Variants in LMX1A observed in about 807,000 individuals in gnomAD.
The protein encoded by LMX1A is LIM homeobox transcription factor 1 alpha, also known as LIM homeobox transcription factor 1-alpha.
In LMX1A, 15 loss-of-function variants were observed where a neutral mutation model predicts 49.1. That is an observed-to-expected ratio of 0.31 (90% CI 0.20 to 0.47). The LOEUF is 0.47. LMX1A is among the 20% of genes least tolerant of loss of function. The probability of loss-of-function intolerance (pLI) is 1.00; values close to 1 mark genes in which losing one functional copy is unlikely to be tolerated. For missense variants in LMX1A, 372 were observed against 475.8 expected (o/e 0.78, Z 2.03); for synonymous variants, 167 against 185.7 (o/e 0.90, Z 0.82).
At chr1:165,253,547 T>C (rs1653129690) in intron 3 of LMX1A, among the ~76,000 whole-genome samples, 2 of 152,182 alleles carry the variant, frequency 1.3e-5, no homozygotes, top group African/African-American at 2.4e-5. Context: ...TTGGAAAAGA[T>C]GATGAAGCCA....
intron 3 of LMX1A, among the ~76,000 whole-genome samples, chr1:165,310,464 A>C (rs1655045092): frequency 6.6e-6 from 1 of 152,236 alleles, no homozygotes; most frequent in Admixed American, 6.5e-5. Flanking sequence ...ATCAAAAGCC[A>C]CAGGGCACTG....
At chr1:165,269,861 G>A (rs1025373268) in intron 3 of LMX1A, among the ~76,000 whole-genome samples, 4 of 152,140 alleles carry the variant, frequency 2.6e-5, no homozygotes, top group Non-Finnish European at 5.9e-5. Flanking sequence ...CATGGACACA[G>A]GGAGGGGAAC....
At chr1:165,309,451 G>C (rs946522241) in intron 3 of LMX1A, among the ~76,000 whole-genome samples, 1 of 152,164 alleles carries the variant, frequency 6.6e-6, no homozygotes, top group Non-Finnish European at 1.5e-5. Flanking sequence ...GAGACGCAAG[G>C]GCACCCTGTG....
chr1:165,244,521 C>T (rs776035539), intron 4 of LMX1A, among the ~76,000 whole-genome samples: 1 of 152,098 alleles, frequency 6.6e-6, no homozygotes, highest in Non-Finnish European at 1.5e-5. Flanking sequence ...TTAAGGGATA[C>T]CCAGCTGGTG....
rs1475828256 is a variant in LMX1A, at chr1:165,202,710, C to T, written c.*1170G>A. Reference sequence around the variant, plus strand: ...TCCTCTATCCCCTCAGCCTTCACCTCCTCCCCACTCTGGGACTCTGGGATC... The same window carrying T: ...TCCTCTATCCCCTCAGCCTTCACCTTCTCCCCACTCTGGGACTCTGGGATC... On this transcript the variant is annotated 3_prime_UTR_variant, in exon 9 of 9. Transcript: ENST00000342310. 1 of 152,490 alleles carries T rather than the reference C, an allele frequency of 6.6e-6. No homozygotes were observed. Among genetic ancestry groups the T allele is most frequent in the Non-Finnish European group, 1.5e-5 (1 of 68,220 alleles). The allele number at this position is 152,490 out of a possible 1,614,324, so 9.4% of individuals were successfully genotyped here.
intron 3 of LMX1A, among the ~76,000 whole-genome samples, chr1:165,297,002 G>T (rs1260949673): frequency 1.3e-5 from 2 of 152,190 alleles, no homozygotes; most frequent in Non-Finnish European, 2.9e-5. Flanking sequence ...AGGTGTCCTG[G>T]TCTGAGTGCA....
intron 4 of LMX1A, among the ~76,000 whole-genome samples, chr1:165,224,247 GC>G (rs1177046784): frequency 6.6e-6 from 1 of 152,184 alleles, no homozygotes; most frequent in Non-Finnish European, 1.5e-5. Flanking sequence ...CTCCCCAGAA[GC>G]CAAGCAGATG....
chr1:165,204,181 T>C (rs879845567), intron 8 of LMX1A, 141 bp from the exon 9 acceptor site: 3 of 842,964 alleles, frequency 3.6e-6, no homozygotes, highest in Non-Finnish European at 3.6e-6. Flanking sequence ...ATATTCTCTT[T>C]AGGGGGCTCA....
At position 165,208,048 on chromosome 1, in the gene LMX1A, G is replaced by A; in HGVS notation, c.817+15C>T. 1.2e-6 allele frequency: 2 copies of A among 1,612,490 alleles called. No homozygotes were observed. The highest frequency in any genetic ancestry group is 1.7e-6 in the Non-Finnish European group (2 of 1,179,158). On this transcript the variant is annotated intron_variant, in intron 7 of 8. Coordinates refer to ENST00000342310, the MANE Select transcript of LMX1A (RefSeq NM_177398.4). Reference sequence around the variant, plus strand: ...GATTCCAGCCAGAACTGCCTGGGAGGAGGCACCAGCTTACCAGAGCTCAGC... The same window carrying A: ...GATTCCAGCCAGAACTGCCTGGGAGAAGGCACCAGCTTACCAGAGCTCAGC...
At chr1:165,307,751 C>T (rs1189758652) in intron 3 of LMX1A, among the ~76,000 whole-genome samples, 1 of 152,182 alleles carries the variant, frequency 6.6e-6, no homozygotes, top group Non-Finnish European at 1.5e-5. Flanking sequence ...TCCATAGGAG[C>T]CTGGACCACA....
chr1:165,289,959 C>T (rs992511644), intron 3 of LMX1A, among the ~76,000 whole-genome samples: 4 of 152,196 alleles, frequency 2.6e-5, no homozygotes, highest in Admixed American at 2.6e-4. Flanking sequence ...AGCACAGGCC[C>T]ATCCTTAGGG....
intron 3 of LMX1A, among the ~76,000 whole-genome samples, chr1:165,319,521 T>C (rs1655320889): frequency 6.6e-6 from 1 of 152,026 alleles, no homozygotes. Context: ...ATATAATAAA[T>C]ATGTATTATC....
At chr1:165,345,082 G>C (rs1216581265) in intron 3 of LMX1A, among the ~76,000 whole-genome samples, 1 of 152,218 alleles carries the variant, frequency 6.6e-6, no homozygotes, top group African/African-American at 2.4e-5. Flanking sequence ...TGAAAATATG[G>C]TTTGGGGGGA....
At position 165,203,631 on chromosome 1, in the gene LMX1A, T is replaced by A; in HGVS notation, c.*249A>T. 1 of 352,370 alleles carries A rather than the reference T, an allele frequency of 2.8e-6. No individual in the cohort carries two copies. Among genetic ancestry groups the A allele is most frequent in the East Asian group, 4.4e-5 (1 of 22,632 alleles). The allele number at this position is 352,370 out of a possible 1,614,324, so 21.8% of individuals were successfully genotyped here. On this transcript the variant is annotated 3_prime_UTR_variant, in exon 9 of 9. Transcript: ENST00000342310. ...AGAATGTCTATATTAAAAGTCTCTG[T>A]CCTTAATGATAAACACGTCTTCATA...
chr1:165,316,493 A>G (rs1655232561), intron 3 of LMX1A, among the ~76,000 whole-genome samples: 1 of 152,082 alleles, frequency 6.6e-6, no homozygotes, highest in African/African-American at 2.4e-5. Flanking sequence ...CATGATGGGC[A>G]CCCTTGGCAG....
chr1:165,223,063 A>G (rs1325458960), intron 4 of LMX1A, among the ~76,000 whole-genome samples: 3 of 151,974 alleles, frequency 2.0e-5, no homozygotes, highest in African/African-American at 7.3e-5. Context: ...TCTAAAATTG[A>G]CTGTGATGGT....
intron 3 of LMX1A, among the ~76,000 whole-genome samples, chr1:165,331,570 CA>C (rs2101752766): frequency 6.6e-6 from 1 of 152,190 alleles, no homozygotes; most frequent in East Asian, 1.9e-4. Context: ...TTGGAAATGA[CA>C]AAAAAGTTTA....
intron 4 of LMX1A, among the ~76,000 whole-genome samples, chr1:165,242,718 T>TA (rs545984501): frequency 1.9e-3 from 279 of 143,644 alleles, no homozygotes; most frequent in African/African-American, 4.9e-3. Flanking sequence ...CTACTAAAAA[T>TA]AAAAAAAAAA....
intron 3 of LMX1A, among the ~76,000 whole-genome samples, chr1:165,336,629 A>C (rs80141191): frequency 0.026 from 3,980 of 152,194 alleles, 175 homozygotes; most frequent in African/African-American, 0.091. Context: ...CCCCTACTCC[A>C]ACCCCTCCAC....
Sources: allele counts gnomAD v4.1 joint callset (sites outside exome capture counted in the v4.1 genomes callset), GRCh38; gene constraint gnomAD v4.1.1; transcripts MANE v1.5; gene names NCBI Gene and HGNC (gene_info 2026-07-23, HGNC 2026-07-21).